The following AEBP2 variants were observed in gnomAD, a reference collection of about 807,000 sequenced individuals.
AEBP2 encodes the protein AE binding protein 2.
Under a neutral mutation model 50.8 loss-of-function variants are expected in AEBP2, and 10 were observed. That is an observed-to-expected ratio of 0.20 (90% CI 0.12 to 0.33). The LOEUF is 0.33. Ranked by LOEUF, AEBP2 falls within the 10% of genes least tolerant of loss-of-function variation. The pLI is 1.00. For synonymous variants in AEBP2, 296 were observed against 261.3 expected (o/e 1.13, Z -1.28); for missense variants, 570 against 688.0 (o/e 0.83, Z 1.92).
intron 1 of AEBP2, among the ~76,000 whole-genome samples, chr12:19,452,671 A>C (rs180871805): frequency 6.6e-6 from 1 of 152,318 alleles, no homozygotes; most frequent in Admixed American, 6.5e-5. Context: ...TTTTACTCTT[A>C]GAGTTGTGCA....
At chr12:19,485,402 CGA>C (rs1453770044) in intron 3 of AEBP2, among the ~76,000 whole-genome samples, 1 of 151,902 alleles carries the variant, frequency 6.6e-6, no homozygotes, top group East Asian at 1.9e-4. Context: ...AATATGGAAA[CGA>C]GGTAATGAGA....
intron 5 of AEBP2, among the ~76,000 whole-genome samples, chr12:19,501,236 C>T (rs1949069121): frequency 6.6e-6 from 1 of 150,466 alleles, no homozygotes; most frequent in African/African-American, 2.5e-5. Flanking sequence ...GAGGCTGAGG[C>T]AGGAGAATTG....
intron 1 of AEBP2, among the ~76,000 whole-genome samples, chr12:19,420,813 C>T (rs1485624566): frequency 6.6e-6 from 1 of 152,020 alleles, no homozygotes; most frequent in Non-Finnish European, 1.5e-5. Context: ...ATCCAGTAAC[C>T]CTGCCATGGA....
intron 4 of AEBP2, among the ~76,000 whole-genome samples, chr12:19,494,348 G>T (rs547157878): frequency 1.5e-4 from 23 of 152,136 alleles, no homozygotes; most frequent in Non-Finnish European, 2.5e-4. Context: ...AAAGTAGTGT[G>T]TGTACCTGAG....
At chr12:19,488,077 G>A (rs903270462) in intron 3 of AEBP2, among the ~76,000 whole-genome samples, 1 of 151,116 alleles carries the variant, frequency 6.6e-6, no homozygotes, top group African/African-American at 2.4e-5. Flanking sequence ...GTTAATTACT[G>A]TTGTTGCCCT....
intron 1 of AEBP2, among the ~76,000 whole-genome samples, chr12:19,423,064 C>CAAAAAA (rs751550689): frequency 0.028 from 997 of 35,064 alleles, 296 homozygotes; most frequent in East Asian, 0.054. Flanking sequence ...GACTCTGTCT[C>CAAAAAA]AAAAAAAAAA....
At chr12:19,500,548 A>G (rs1277065673) in intron 5 of AEBP2, among the ~76,000 whole-genome samples, 1 of 152,126 alleles carries the variant, frequency 6.6e-6, no homozygotes, top group Non-Finnish European at 1.5e-5. Flanking sequence ...TGGTTTCCTC[A>G]TTTGCAAAAT....
At chr12:19,453,230 A>G (rs1480280083) in intron 1 of AEBP2, among the ~76,000 whole-genome samples, 1 of 151,798 alleles carries the variant, frequency 6.6e-6, no homozygotes, top group African/African-American at 2.4e-5. Flanking sequence ...CAGCCTCCCA[A>G]AGTGCTGGGA....
intron 1 of AEBP2, chr12:19,446,051 A>C (rs1948058515): frequency 6.6e-6 from 1 of 152,166 alleles, no homozygotes; most frequent in South Asian, 2.1e-4. Flanking sequence ...TGCTGAAGCA[A>C]GCATGCCAGT....
intron 3 of AEBP2, among the ~76,000 whole-genome samples, chr12:19,491,635 G>GTA (rs1321994099): frequency 3.3e-5 from 5 of 151,900 alleles, no homozygotes; most frequent in African/African-American, 1.2e-4. Flanking sequence ...AGACGCTGAG[G>GTA]GCCATAAGGA....
chr12:19,516,828 A>T (rs980846200), intron 7 of AEBP2, among the ~76,000 whole-genome samples: 1 of 152,124 alleles, frequency 6.6e-6, no homozygotes, highest in Non-Finnish European at 1.5e-5. Flanking sequence ...GGAGTTTGAG[A>T]CCAGCCTGGC....
chr12:19,445,370 C>CTT lies in AEBP2; in HGVS notation c.671+5016_671+5017dup, dbSNP rs55898072. 3.6e-3 allele frequency among the ~76,000 whole-genome samples: 482 copies of CTT among 135,594 alleles called. 4 individuals are homozygous for CTT. Among genetic ancestry groups the CTT allele is most frequent in the African/African-American group, 0.012 (458 of 37,112 alleles). 89.0% of individuals were successfully genotyped at this position (135,594 alleles called of 152,430 possible). ...CATGCCACCGTGCCCTGCTCGTTTT[C>CTT]TTTTTTTTTTTTTTTTTGTATTTTT... is the stretch of plus-strand genomic sequence containing the variant. On this transcript the variant is annotated intron_variant, in intron 1 of 7. Coordinates refer to ENST00000266508, the MANE Select transcript of AEBP2 (RefSeq NM_153207.5).
At chr12:19,479,716 G>GTTTTTTTTTTTTTTTT (rs1565723172) in intron 3 of AEBP2, among the ~76,000 whole-genome samples, 2 of 29,894 alleles carry the variant, frequency 6.7e-5, no homozygotes, top group Non-Finnish European at 1.6e-4. Context: ...CCTCTTTGTG[G>GTTTTTTTTTTTTTTTT]GTTTTTTTTT....
chr12:19,441,378 A>C (rs1947956019), intron 1 of AEBP2, among the ~76,000 whole-genome samples: 1 of 152,218 alleles, frequency 6.6e-6, no homozygotes, highest in South Asian at 2.1e-4. Context: ...AAAAACGAGA[A>C]TCACATGCAT....
At chr12:19,487,410 C>T (rs1380280688) in intron 3 of AEBP2, among the ~76,000 whole-genome samples, 5 of 151,924 alleles carry the variant, frequency 3.3e-5, no homozygotes, top group Admixed American at 6.6e-5. Context: ...ACAGAAAGTA[C>T]GTATGCTTTT....
At chr12:19,465,661 A>G (rs1474218053) in intron 2 of AEBP2, among the ~76,000 whole-genome samples, 3 of 152,054 alleles carry the variant, frequency 2.0e-5, no homozygotes, top group Non-Finnish European at 2.9e-5. Context: ...GAAAATGCTG[A>G]GATTACAATA....
upstream of AEBP2, among the ~76,000 whole-genome samples, chr12:19,438,641 T>A (rs1187623066): frequency 1.3e-5 from 2 of 152,172 alleles, no homozygotes; most frequent in Non-Finnish European, 2.9e-5. Context: ...ACAGAAAATA[T>A]AAAAAACAAC....
Position 19,440,056 on chromosome 12 carries a change from G to T in AEBP2, c.357G>T (p.Glu119Asp), listed in dbSNP as rs1402463838. The T allele has an allele frequency of 6.6e-7, 1 of 1,518,572 alleles. No individual in the cohort carries two copies. Among genetic ancestry groups the T allele is most frequent in the Admixed American group, 2.0e-5 (1 of 49,474 alleles). 94.1% of individuals were successfully genotyped at this position (1,518,572 alleles called of 1,614,324 possible). A position where few individuals can be genotyped will look rare whatever the true frequency, so the allele number is the denominator to read the frequency against. Reference sequence around the variant, plus strand: ...GCAGCAGCGGCGGGGGTGAGGAGGAGAGTAGCGCCGAGAGCCTGGTGGGCA... The same window carrying T: ...GCAGCAGCGGCGGGGGTGAGGAGGATAGTAGCGCCGAGAGCCTGGTGGGCA... ...ESSSSGGGEE[E>D]SSAESLVGSS... Residue 119 changes from glutamate to aspartate, a missense_variant, in exon 1 of 8, where the codon GAG (glutamate) becomes GAT (aspartate). By Grantham distance (45) the Glu-to-Asp change is conservative. Around this residue, in one of 2 missense-constraint regions of AEBP2, gnomAD observed 386 missense variants for 336.8 expected, o/e 1.15. Transcript: ENST00000266508.
chr12:19,511,608 A>G (rs1192273450), intron 5 of AEBP2, among the ~76,000 whole-genome samples: 1 of 152,174 alleles, frequency 6.6e-6, no homozygotes, highest in African/African-American at 2.4e-5. Flanking sequence ...TGATGACTTG[A>G]GGAGGTCCAG....
Sources: allele counts gnomAD v4.1 joint callset (sites outside exome capture counted in the v4.1 genomes callset), GRCh38; gene constraint gnomAD v4.1.1; regional missense constraint gnomAD v4.1.1; transcripts MANE v1.5; gene names NCBI Gene and HGNC (gene_info 2026-07-23, HGNC 2026-07-21).